ITGBL1: variants seen among roughly 807,000 people sequenced by gnomAD.
ITGBL1 encodes integrin subunit beta like 1.
A neutral mutation model predicts 68.5 loss-of-function variants in ITGBL1; 51 were observed. The observed-to-expected ratio is 0.74, with a 90% CI of 0.59 to 0.94. The LOEUF (loss-of-function observed/expected upper bound fraction) is 0.94, where lower values mean the gene tolerates loss of function less well. Ranked by LOEUF, ITGBL1 falls within the 40% of genes least tolerant of loss-of-function variation. The probability of loss-of-function intolerance (pLI) is 0.00; values close to 1 mark genes in which losing one functional copy is unlikely to be tolerated. For synonymous variants in ITGBL1, 209 were observed against 227.3 expected (o/e 0.92, Z 0.72); for missense variants, 649 against 647.4 (o/e 1.00, Z -0.03).
chr13:101,625,714 A>T (rs528416644), intron 7 of ITGBL1, among the ~76,000 whole-genome samples: 55 of 152,094 alleles, frequency 3.6e-4, no homozygotes, highest in Admixed American at 7.2e-4. Flanking sequence ...CATCATGCCC[A>T]GCTAATTTTT....
chr13:101,705,944 G>A (rs1004716889), intron 8 of ITGBL1, among the ~76,000 whole-genome samples: 2 of 152,226 alleles, frequency 1.3e-5, no homozygotes, highest in South Asian at 4.1e-4. Context: ...GATTCAGAGA[G>A]ACCCTGCTGT....
intron 7 of ITGBL1, among the ~76,000 whole-genome samples, chr13:101,641,960 CA>C (rs1401473530): frequency 6.6e-6 from 1 of 151,974 alleles, no homozygotes; most frequent in Non-Finnish European, 1.5e-5. Flanking sequence ...TCCAGTCTGT[CA>C]TTGTTGGACA....
downstream of ITGBL1, chr13:101,717,590 T>C (rs1018673293): frequency 3.3e-5 from 5 of 152,184 alleles, no homozygotes; most frequent in African/African-American, 1.2e-4. Flanking sequence ...GATTTCTCTA[T>C]CACGGCGCTT....
intron 8 of ITGBL1, among the ~76,000 whole-genome samples, chr13:101,693,305 A>T (rs1027758293): frequency 2.0e-5 from 3 of 152,190 alleles, no homozygotes; most frequent in African/African-American, 7.2e-5. Context: ...TGCATTCTTG[A>T]AAAAGTTCAT....
At chr13:101,716,463 A>G (rs1334357238), downstream of ITGBL1, 1 of 152,198 alleles carries the variant, frequency 6.6e-6, no homozygotes, top group African/African-American at 2.4e-5. Context: ...GTCAGTATAT[A>G]TATCTACTGA....
intron 2 of ITGBL1, among the ~76,000 whole-genome samples, chr13:101,460,330 T>G (rs959644243): frequency 1.3e-5 from 2 of 152,210 alleles, no homozygotes; most frequent in Admixed American, 1.3e-4. Flanking sequence ...GCCTCTTTCC[T>G]GTATTTTCTT....
intron 7 of ITGBL1, among the ~76,000 whole-genome samples, chr13:101,680,081 T>A (rs1168848443): frequency 6.6e-6 from 1 of 152,208 alleles, no homozygotes; most frequent in African/African-American, 2.4e-5. Context: ...GAAGTTTTAC[T>A]GGCTGTTTTG....
chr13:101,505,377 A>G (rs1470062501), intron 2 of ITGBL1, among the ~76,000 whole-genome samples: 6 of 152,174 alleles, frequency 3.9e-5, no homozygotes, highest in African/African-American at 1.4e-4. Flanking sequence ...AGAACTCATA[A>G]TCTAGCAGAA....
At chr13:101,688,682 G>A (rs2033811424) in intron 7 of ITGBL1, among the ~76,000 whole-genome samples, 1 of 152,166 alleles carries the variant, frequency 6.6e-6, no homozygotes, top group African/African-American at 2.4e-5. Context: ...GAGTAGGTTT[G>A]TGAATACAGA....
chr13:101,511,489 G>A (rs1348613918), intron 2 of ITGBL1, among the ~76,000 whole-genome samples: 1 of 152,058 alleles, frequency 6.6e-6, no homozygotes, highest in Admixed American at 6.6e-5. Flanking sequence ...AAGGATTTTT[G>A]CAGAAGCATT....
chr13:101,715,055 A>G (rs2034651639), intron 10 of ITGBL1: 1 of 163,732 alleles, frequency 6.1e-6, no homozygotes. Context: ...TTATAAATTC[A>G]TTTGTTTAGC....
intron 7 of ITGBL1, among the ~76,000 whole-genome samples, chr13:101,614,909 C>G (rs2031289126): frequency 6.6e-6 from 1 of 152,048 alleles, no homozygotes; most frequent in South Asian, 2.1e-4. Flanking sequence ...TGCAGGTGAC[C>G]CCTTGTGATC....
At chr13:101,474,238 C>T (rs901440029) in intron 2 of ITGBL1, among the ~76,000 whole-genome samples, 3 of 152,016 alleles carry the variant, frequency 2.0e-5, no homozygotes, top group Admixed American at 6.6e-5. Context: ...AAGGGAGAGA[C>T]CAAGGCCTGG....
chr13:101,664,924 A>T (rs2033178001), intron 7 of ITGBL1, among the ~76,000 whole-genome samples: 1 of 152,114 alleles, frequency 6.6e-6, no homozygotes, highest in African/African-American at 2.4e-5. Context: ...AGTAGAGATG[A>T]TGTTTCGCCA....
At chr13:101,472,183 T>C (rs1268338835) in intron 2 of ITGBL1, among the ~76,000 whole-genome samples, 1 of 152,192 alleles carries the variant, frequency 6.6e-6, no homozygotes, top group Non-Finnish European at 1.5e-5. Context: ...TTCCTAAATA[T>C]AGACTTAATG....
At chr13:101,462,711 T>C (rs1180171604) in intron 2 of ITGBL1, among the ~76,000 whole-genome samples, 1 of 152,136 alleles carries the variant, frequency 6.6e-6, no homozygotes, top group Admixed American at 6.5e-5. Context: ...GCCTCCTGAG[T>C]AGCTGGGACT....
intron 7 of ITGBL1, among the ~76,000 whole-genome samples, chr13:101,603,249 CT>C (rs1264109775): frequency 6.6e-6 from 1 of 151,888 alleles, no homozygotes; most frequent in African/African-American, 2.4e-5. Context: ...TATTGTCTGT[CT>C]TTTTGATTCT....
chr13:101,672,479 T>C (rs1595163), intron 7 of ITGBL1, among the ~76,000 whole-genome samples: 91,885 of 152,028 alleles, frequency 0.6, 28,267 homozygotes, highest in East Asian at 0.88. Context: ...GGCAGCTCCA[T>C]CCTCTCTTTG....
intron 6 of ITGBL1, among the ~76,000 whole-genome samples, chr13:101,593,769 G>A (rs547571317): frequency 1.3e-5 from 2 of 152,188 alleles, no homozygotes; most frequent in South Asian, 2.1e-4. Flanking sequence ...GGAGGAAGAT[G>A]GGAGGATAGG....
Sources: allele counts gnomAD v4.1 joint callset (sites outside exome capture counted in the v4.1 genomes callset), GRCh38; gene constraint gnomAD v4.1.1; transcripts MANE v1.5; gene names NCBI Gene and HGNC (gene_info 2026-07-23, HGNC 2026-07-21).